Variants in SPTLC1 observed in about 807,000 individuals in gnomAD.
SPTLC1 encodes serine palmitoyltransferase long chain base subunit 1.
A neutral mutation model predicts 68.9 loss-of-function variants in SPTLC1; 55 were observed. The observed-to-expected ratio is 0.80, with a 90% CI of 0.64 to 1.00. The LOEUF (loss-of-function observed/expected upper bound fraction) is 1.00. Ranked by LOEUF, SPTLC1 falls within the 50% of genes least tolerant of loss-of-function variation. SPTLC1 has a pLI of 0.00. For synonymous variants in SPTLC1, 197 were observed against 201.6 expected, an observed-to-expected ratio of 0.98 and a Z score of 0.19; for missense variants, 449 against 573.1, an observed-to-expected ratio of 0.78 and a Z score of 2.21.
chr9:92,043,065 G>A (rs550301450), intron 12 of SPTLC1, among the ~76,000 whole-genome samples: 13 of 152,214 alleles, frequency 8.5e-5, no homozygotes, highest in African/African-American at 2.2e-4. Context: ...CATCTAGGCC[G>A]TGTCCACCTG....
At chr9:92,050,678 C>A (rs559736317) in intron 8 of SPTLC1, among the ~76,000 whole-genome samples, 1 of 152,134 alleles carries the variant, frequency 6.6e-6, no homozygotes, top group Non-Finnish European at 1.5e-5. Context: ...TTTGCCCTAG[C>A]AGCAATAGTT....
intron 8 of SPTLC1, among the ~76,000 whole-genome samples, chr9:92,052,522 A>C (rs1253290884): frequency 1.3e-5 from 2 of 148,294 alleles, no homozygotes; most frequent in Non-Finnish European, 2.9e-5. Context: ...TTAAACAAAG[A>C]TTATTATTAT....
chr9:92,097,893 AATAG>A (rs1835589186), intron 3 of SPTLC1, among the ~76,000 whole-genome samples: 1 of 152,252 alleles, frequency 6.6e-6, no homozygotes, highest in Non-Finnish European at 1.5e-5. Context: ...TTTTATGGTA[AATAG>A]ATTATATATC....
chr9:92,088,907 C>G (rs1835257006), intron 3 of SPTLC1, among the ~76,000 whole-genome samples: 1 of 152,122 alleles, frequency 6.6e-6, no homozygotes, highest in Non-Finnish European at 1.5e-5. Flanking sequence ...GCAAGTAAAA[C>G]CAACCAGAAA....
At chr9:92,106,606 T>G (rs371141961) in intron 3 of SPTLC1, among the ~76,000 whole-genome samples, 50 of 152,052 alleles carry the variant, frequency 3.3e-4, no homozygotes, top group African/African-American at 1.2e-3. Flanking sequence ...CTCGTCTTAC[T>G]CTGACTCGGC....
At chr9:92,054,471 T>C (rs1195648251) in intron 8 of SPTLC1, among the ~76,000 whole-genome samples, 1 of 152,206 alleles carries the variant, frequency 6.6e-6, no homozygotes, top group Non-Finnish European at 1.5e-5. Context: ...GGATAAACAT[T>C]GTCTTACATA....
chr9:92,109,596 A>G (rs1222039475), intron 2 of SPTLC1: 1 of 152,234 alleles, frequency 6.6e-6, no homozygotes, highest in Non-Finnish European at 1.5e-5. Context: ...ACAGCTCAAC[A>G]TTCTTTATAG....
intron 1 of SPTLC1, chr9:92,115,046 TAC>T: frequency 1.8e-6 from 1 of 559,896 alleles, no homozygotes; most frequent in Non-Finnish European, 3.2e-6. Flanking sequence ...TGCGTCCCCT[TAC>T]ACGTGTTCCT....
chr9:92,050,258 A>G (rs1833661801), intron 8 of SPTLC1, 191 bp from the exon 9 acceptor site: 1 of 560,214 alleles, frequency 1.8e-6, no homozygotes, highest in Non-Finnish European at 3.2e-6. Flanking sequence ...GTCATCACGG[A>G]TATGTGCATG....
chr9:92,093,186 A>T (rs1835426038), intron 3 of SPTLC1, among the ~76,000 whole-genome samples: 2 of 152,234 alleles, frequency 1.3e-5, no homozygotes, highest in South Asian at 4.1e-4. Context: ...AAAATACAAC[A>T]TAATAAAGAA....
At chr9:92,068,839 G>C (rs1834382270) in intron 5 of SPTLC1, among the ~76,000 whole-genome samples, 2 of 152,178 alleles carry the variant, frequency 1.3e-5, no homozygotes, top group South Asian at 2.1e-4. Flanking sequence ...GAGGACCAGT[G>C]ATGCTTAGAA....
At chr9:92,082,508 C>T (rs574796710) in intron 3 of SPTLC1, among the ~76,000 whole-genome samples, 44 of 149,532 alleles carry the variant, frequency 2.9e-4, no homozygotes, top group Middle Eastern at 3.5e-3. Context: ...TTTGTCCTTG[C>T]GATAGTTTAC....
At chr9:92,072,405 A>G (rs1257704795) in intron 5 of SPTLC1, among the ~76,000 whole-genome samples, 7 of 152,158 alleles carry the variant, frequency 4.6e-5, no homozygotes, top group Admixed American at 1.3e-4. Context: ...TTGGGAAGAC[A>G]GTCTTCCCTC....
chr9:92,081,273 T>A (rs1281516815), intron 3 of SPTLC1, among the ~76,000 whole-genome samples: 3 of 152,182 alleles, frequency 2.0e-5, no homozygotes, highest in African/African-American at 7.2e-5. Context: ...AGAATGAAGC[T>A]GCTAAATAAA....
At position 92,099,613 on chromosome 9, in the gene SPTLC1, G is replaced by A. The variant is rs183740449; in HGVS notation, c.260+9127C>T. Among the ~76,000 whole-genome samples the A allele has an allele frequency of 3.9e-3, 598 of 151,834 alleles. 3 individuals carry two copies. Among genetic ancestry groups the A allele is most frequent in the Middle Eastern group, 0.01 (3 of 294 alleles). ...TCCCACCTCATCCTCCCAAGTAGCT[G>A]GGACTATAGGCCTATATTACCACAC... On this transcript the variant is annotated intron_variant, in intron 3 of 14. Coordinates refer to ENST00000262554, the MANE Select transcript of SPTLC1 (RefSeq NM_006415.4).
chr9:92,068,619 G>C (rs1463186284), intron 5 of SPTLC1, among the ~76,000 whole-genome samples: 1 of 152,168 alleles, frequency 6.6e-6, no homozygotes, highest in East Asian at 1.9e-4. Context: ...GATTCTGTCT[G>C]AATTTCTTGT....
chr9:92,082,509 G>A (rs964806545), intron 3 of SPTLC1, among the ~76,000 whole-genome samples: 4 of 149,782 alleles, frequency 2.7e-5, no homozygotes, highest in East Asian at 2.0e-4. Context: ...TTGTCCTTGC[G>A]ATAGTTTACT....
intron 5 of SPTLC1, among the ~76,000 whole-genome samples, chr9:92,077,449 G>A (rs1327930184): frequency 3.9e-5 from 6 of 152,050 alleles, no homozygotes; most frequent in African/African-American, 7.2e-5. Context: ...AACCACAGTC[G>A]TCTGCAGAAT....
At chr9:92,088,154 C>T (rs543187239) in intron 3 of SPTLC1, among the ~76,000 whole-genome samples, 2 of 152,356 alleles carry the variant, frequency 1.3e-5, no homozygotes, top group South Asian at 2.1e-4. Flanking sequence ...TCTGTCACCC[C>T]TTTCTTTGAC....
Sources: gnomAD v4.1 joint callset for allele counts (sites outside exome capture counted in the v4.1 genomes callset) on GRCh38, gnomAD v4.1.1 for gene constraint, MANE v1.5 for transcripts, NCBI Gene and HGNC (gene_info 2026-07-23, HGNC 2026-07-21) for gene names.